The following RGS6 variants were observed in gnomAD, a reference collection of about 807,000 sequenced individuals.
RGS6 encodes the protein regulator of G-protein signaling 6.
Under a neutral mutation model 78.5 loss-of-function variants are expected in RGS6, and 30 were observed. The observed-to-expected ratio is 0.38, with a 90% CI of 0.29 to 0.52. The LOEUF (loss-of-function observed/expected upper bound fraction) is 0.52, where lower values mean the gene tolerates loss of function less well. Among genes scored for constraint, RGS6 ranks in the 20% least tolerant of loss-of-function variants. RGS6 has a pLI of 0.85. For synonymous variants in RGS6, 206 were observed against 206.0 expected, an observed-to-expected ratio of 1.00 and a Z score of 0.00; for missense variants, 495 against 609.7, an observed-to-expected ratio of 0.81 and a Z score of 1.98.
intron 2 of RGS6, among the ~76,000 whole-genome samples, chr14:72,185,297 A>G (rs1477117023): frequency 6.6e-6 from 1 of 152,108 alleles, no homozygotes; most frequent in Non-Finnish European, 1.5e-5. Flanking sequence ...AGAACCTCAC[A>G]GACACCCCCA....
intron 3 of RGS6, among the ~76,000 whole-genome samples, chr14:72,396,404 A>G (rs1043441453): frequency 9.9e-5 from 15 of 151,858 alleles, no homozygotes; most frequent in African/African-American, 3.6e-4. Context: ...TTTCCTGTAA[A>G]TTTGTTGGAG....
chr14:72,301,597 T>C (rs1006205269), intron 2 of RGS6, among the ~76,000 whole-genome samples: 3 of 152,172 alleles, frequency 2.0e-5, no homozygotes, highest in Non-Finnish European at 2.9e-5. Context: ...ACAAACTGAG[T>C]CACCTAAACA....
chr14:72,197,001 G>A (rs574872792), intron 2 of RGS6, among the ~76,000 whole-genome samples: 1 of 152,284 alleles, frequency 6.6e-6, no homozygotes, highest in South Asian at 2.1e-4. Flanking sequence ...AGAAAAGATT[G>A]GTTAAATAGA....
chr14:72,541,254 C>T lies in RGS6; in HGVS notation c.1422+1160C>T, dbSNP rs549250025. Reference sequence around the variant, plus strand: ...TGTGTGACTGGTATACGTATTTCATCCTTTTAAGAAAAAGTCTAAGGCTCC... The same window carrying T: ...TGTGTGACTGGTATACGTATTTCATTCTTTTAAGAAAAAGTCTAAGGCTCC... On this transcript the variant is annotated intron_variant, in intron 17 of 17. Transcript: ENST00000553525. The T allele has an allele frequency of 3.2e-3, 4,656 of 1,450,118 alleles. 13 individuals carry two copies. Among genetic ancestry groups the T allele is most frequent in the Non-Finnish European group, 3.9e-3 (4,280 of 1,093,502 alleles). 89.8% of individuals were successfully genotyped at this position (1,450,118 alleles called of 1,614,324 possible).
chr14:72,155,439 T>C (rs2096756530), intron 2 of RGS6, among the ~76,000 whole-genome samples: 1 of 152,180 alleles, frequency 6.6e-6, no homozygotes, highest in African/African-American at 2.4e-5. Context: ...CCACCCAGGA[T>C]ATGACTTCCA....
At chr14:72,072,754 C>T (rs1030994485) in intron 2 of RGS6, among the ~76,000 whole-genome samples, 7 of 152,140 alleles carry the variant, frequency 4.6e-5, no homozygotes, top group African/African-American at 9.7e-5. Flanking sequence ...ATATGTCTTA[C>T]GGATTAAGTT....
intron 1 of RGS6, among the ~76,000 whole-genome samples, chr14:71,951,368 G>A (rs938071466): frequency 6.6e-6 from 1 of 152,092 alleles, no homozygotes; most frequent in Non-Finnish European, 1.5e-5. Context: ...AGAACCTGTA[G>A]AGAGAGGGAG....
intron 2 of RGS6, among the ~76,000 whole-genome samples, chr14:72,158,388 C>T (rs1360188874): frequency 2.0e-5 from 3 of 152,178 alleles, no homozygotes; most frequent in Admixed American, 6.5e-5. Context: ...CTGAAAAGAT[C>T]CTGTCTCCAA....
intron 1 of RGS6, among the ~76,000 whole-genome samples, chr14:71,935,609 T>C (rs761713253): frequency 6.6e-6 from 1 of 152,262 alleles, no homozygotes; most frequent in East Asian, 1.9e-4. Context: ...CTGGTAATGC[T>C]TGGGGCTTCC....
At chr14:72,190,736 T>C (rs2153717275) in intron 2 of RGS6, among the ~76,000 whole-genome samples, 1 of 152,370 alleles carries the variant, frequency 6.6e-6, no homozygotes, top group East Asian at 1.9e-4. Context: ...ATACACTTAT[T>C]ACTGTTGGTG....
intron 2 of RGS6, among the ~76,000 whole-genome samples, chr14:72,076,952 T>TTATATATATATATATATATAAATTTTA (rs10642376): frequency 6.9e-6 from 1 of 145,490 alleles, no homozygotes; most frequent in Non-Finnish European, 1.5e-5. Context: ...CAGCCAAATT[T>TTATATATATATATATATATAAATTTTA]TATATATATA....
intron 2 of RGS6, among the ~76,000 whole-genome samples, chr14:72,320,602 T>C (rs1244909045): frequency 6.6e-6 from 1 of 150,962 alleles, no homozygotes; most frequent in East Asian, 1.9e-4. Context: ...AATTAAAAAA[T>C]AAAAAATAAA....
intron 2 of RGS6, among the ~76,000 whole-genome samples, chr14:72,256,079 T>C (rs1382338119): frequency 1.3e-5 from 2 of 152,218 alleles, no homozygotes; most frequent in Non-Finnish European, 2.9e-5. Context: ...GAGACAGTAG[T>C]GTTGCAGCGA....
At position 72,174,171 on chromosome 14, in the gene RGS6, G is replaced by T. The variant is rs535984551; in HGVS notation, c.85-177924G>T. Among the ~76,000 whole-genome samples the T allele has an allele frequency of 3.9e-5, 6 of 152,290 alleles. No homozygotes were observed. In the South Asian group the frequency reaches 1.2e-3, roughly 32 times the overall value. Reference sequence around the variant, plus strand: ...TTGCCCAGGCTCAAGTGCAAGGCACGATCTCAGCTCACTGCGACCTCTGCC... The same window carrying T: ...TTGCCCAGGCTCAAGTGCAAGGCACTATCTCAGCTCACTGCGACCTCTGCC... On this transcript the variant is annotated intron_variant, in intron 2 of 17. Coordinates refer to ENST00000553525, the MANE Select transcript of RGS6 (RefSeq NM_001204424.2).
intron 2 of RGS6, among the ~76,000 whole-genome samples, chr14:72,308,863 C>A (rs1353504619): frequency 6.6e-6 from 1 of 152,194 alleles, no homozygotes; most frequent in Non-Finnish European, 1.5e-5. Context: ...GAACCTCCCT[C>A]AGTTCTCTAA....
chr14:72,436,465 A>G (rs2094917950), intron 3 of RGS6, among the ~76,000 whole-genome samples: 1 of 152,212 alleles, frequency 6.6e-6, no homozygotes, highest in African/African-American at 2.4e-5. Flanking sequence ...TTTATTGATC[A>G]GTTCAGCCTC....
At chr14:72,302,681 T>TAG (rs1555627259) in intron 2 of RGS6, among the ~76,000 whole-genome samples, 2 of 147,770 alleles carry the variant, frequency 1.4e-5, no homozygotes, top group Non-Finnish European at 3.0e-5. Context: ...CACATACACA[T>TAG]ACACACACAC....
At chr14:72,236,910 C>T (rs935637781) in intron 2 of RGS6, among the ~76,000 whole-genome samples, 19 of 152,208 alleles carry the variant, frequency 1.2e-4, no homozygotes, top group Admixed American at 2.0e-4. Context: ...GCTTCCCAGA[C>T]GGGGCGGCGG....
At chr14:72,401,556 C>T (rs578081317) in intron 3 of RGS6, among the ~76,000 whole-genome samples, 2 of 151,536 alleles carry the variant, frequency 1.3e-5, no homozygotes, top group East Asian at 3.9e-4. Context: ...GGGCAACTCT[C>T]ATGTGACCCC....
Sources: gnomAD v4.1 joint callset for allele counts (sites outside exome capture counted in the v4.1 genomes callset) on GRCh38, gnomAD v4.1.1 for gene constraint, MANE v1.5 for transcripts, NCBI Gene and HGNC (gene_info 2026-07-23, HGNC 2026-07-21) for gene names.